TRIP12: variants seen among roughly 807,000 people sequenced by gnomAD.
TRIP12 encodes the protein thyroid hormone receptor interactor 12.
A neutral mutation model predicts 244.2 loss-of-function variants in TRIP12; 25 were observed. That is an observed-to-expected ratio of 0.10 (90% CI 0.07 to 0.14). TRIP12 has a LOEUF of 0.14. TRIP12 is among the 10% of genes least tolerant of loss of function. TRIP12 has a pLI of 1.00. For missense variants in TRIP12, 1,677 were observed against 2,486.4 expected (o/e 0.67, Z 6.92); for synonymous variants, 905 against 873.1 (o/e 1.04, Z -0.64).
intron 33 of TRIP12, 65 bp downstream of exon 33, chr2:229,787,440 A>G: frequency 2.6e-6 from 4 of 1,533,858 alleles, no homozygotes; most frequent in Non-Finnish European, 3.5e-6. Context: ...GATATACTAC[A>G]TTTCTAGTTT....
chr2:229,864,705 T>C (rs10498242), intron 2 of TRIP12, among the ~76,000 whole-genome samples: 20,743 of 152,166 alleles, frequency 0.14, 1,476 homozygotes, highest in Admixed American at 0.19. Flanking sequence ...CCACGTTATA[T>C]TGACATTATT....
chr2:229,789,877 G>C, intron 30 of TRIP12, 115 bp from the exon 31 acceptor site: 1 of 1,114,632 alleles, frequency 9.0e-7, no homozygotes, highest in Non-Finnish European at 1.3e-6. Flanking sequence ...TCAACGCTTG[G>C]AATCTTATTA....
chr2:229,841,748 C>G (rs1214360830), intron 4 of TRIP12, among the ~76,000 whole-genome samples: 1 of 152,134 alleles, frequency 6.6e-6, no homozygotes, highest in South Asian at 2.1e-4. Context: ...CAGCTGTTAA[C>G]TTTTTCAGAG....
At chr2:229,839,460 G>A (rs532454398) in intron 5 of TRIP12, among the ~76,000 whole-genome samples, 14 of 152,094 alleles carry the variant, frequency 9.2e-5, no homozygotes, top group Admixed American at 2.0e-4. Flanking sequence ...GGTGGATCAC[G>A]AGGTCAGGAG....
chr2:229,918,502 A>T (rs1375413548), intron 1 of TRIP12, among the ~76,000 whole-genome samples: 1 of 152,250 alleles, frequency 6.6e-6, no homozygotes, highest in Non-Finnish European at 1.5e-5. Context: ...CTCTTACATT[A>T]AGTCAATTTC....
At chr2:229,821,400 C>A (rs906433357) in intron 8 of TRIP12, among the ~76,000 whole-genome samples, 1 of 152,174 alleles carries the variant, frequency 6.6e-6, no homozygotes, top group Non-Finnish European at 1.5e-5. Flanking sequence ...TATCACAGAT[C>A]AGGGTTTGGC....
intron 24 of TRIP12, among the ~76,000 whole-genome samples, chr2:229,797,002 A>G (rs2042979774): frequency 1.3e-5 from 2 of 152,090 alleles, no homozygotes; most frequent in African/African-American, 4.8e-5. Context: ...CCATAATAAC[A>G]TAAGAAGAAA....
intron 17 of TRIP12, 33 bp downstream of exon 17, chr2:229,807,675 A>G: frequency 6.2e-7 from 1 of 1,613,814 alleles, no homozygotes; most frequent in Non-Finnish European, 8.5e-7. Context: ...CCAACAAAAT[A>G]GACACATTTA....
At chr2:229,881,687 T>C (rs2064907819) in intron 1 of TRIP12, among the ~76,000 whole-genome samples, 1 of 152,118 alleles carries the variant, frequency 6.6e-6, no homozygotes, top group South Asian at 2.1e-4. Context: ...CAATTAAACA[T>C]TAAAAGAGAG....
At chr2:229,903,425 C>T (rs1186315503) in intron 1 of TRIP12, among the ~76,000 whole-genome samples, 1 of 152,058 alleles carries the variant, frequency 6.6e-6, no homozygotes, top group Admixed American at 6.6e-5. Context: ...CCAAGTAAGG[C>T]CATCTGAGCT....
At chr2:229,849,569 A>C (rs2058249281) in intron 4 of TRIP12, among the ~76,000 whole-genome samples, 1 of 152,152 alleles carries the variant, frequency 6.6e-6, no homozygotes, top group Non-Finnish European at 1.5e-5. Context: ...TTTAAAAAAA[A>C]ATAATAGATC....
At chr2:229,845,333 G>A (rs2057354034) in intron 4 of TRIP12, among the ~76,000 whole-genome samples, 1 of 152,186 alleles carries the variant, frequency 6.6e-6, no homozygotes, top group Non-Finnish European at 1.5e-5. Context: ...TTAGTCTAGA[G>A]CAGGTGTTGA....
At chr2:229,814,446 T>G (rs2048009019) in intron 11 of TRIP12, 121 bp from the exon 12 acceptor site, 1 of 889,434 alleles carries the variant, frequency 1.1e-6, no homozygotes, top group African/African-American at 1.7e-5. Flanking sequence ...TAACCCACCA[T>G]AGGATGCAAG....
At chr2:229,779,772 T>C (rs1006852319) in intron 34 of TRIP12, among the ~76,000 whole-genome samples, 9 of 152,136 alleles carry the variant, frequency 5.9e-5, no homozygotes, top group African/African-American at 2.2e-4. Flanking sequence ...GGCACTGGTA[T>C]TATTAAACAA....
chr2:229,767,506 AT>A lies in TRIP12; in HGVS notation c.*47del. 6.5e-7 allele frequency: 1 copy of A among 1,530,630 alleles called. No homozygotes were observed. The highest frequency in any genetic ancestry group is 8.8e-7 in the Non-Finnish European group (1 of 1,137,654). 94.8% of individuals were successfully genotyped at this position (1,530,630 alleles called of 1,614,324 possible). A position where few individuals can be genotyped will look rare whatever the true frequency, so the allele number is the denominator to read the frequency against. ...TGATAACATTAGAAAAGAAATCATG[AT>A]TTGTTTCTTTTGCTGTAACAGGCAG... On this transcript the variant is annotated 3_prime_UTR_variant, in exon 42 of 42. Coordinates refer to ENST00000675903, the MANE Select transcript of TRIP12 (RefSeq NM_001348323.3).
At chr2:229,794,396 G>A (rs934830208) in intron 26 of TRIP12, among the ~76,000 whole-genome samples, 18 of 151,900 alleles carry the variant, frequency 1.2e-4, no homozygotes, top group East Asian at 5.8e-4. Context: ...GTGAGACCCC[G>A]TCTCTACAAA....
In TRIP12 at chr2:229,787,735, T is replaced by C. The variant is rs899207024; in HGVS notation, c.4839-74A>G. On this transcript the variant is annotated intron_variant, in intron 32 of 41. Coordinates refer to ENST00000675903, the MANE Select transcript of TRIP12 (RefSeq NM_001348323.3). Reference sequence around the variant, plus strand: ...CTACTAAAAAAAAAATCCAAACTTATATTAGAAACAACTTTTGATATGATA... The same window carrying C: ...CTACTAAAAAAAAAATCCAAACTTACATTAGAAACAACTTTTGATATGATA... 21 of 1,330,370 alleles carry C rather than the reference T, an allele frequency of 1.6e-5. No individual in the cohort carries two copies. In the African/African-American group the frequency reaches 1.9e-4, roughly 12 times the overall value. The allele number at this position is 1,330,370 out of a possible 1,614,324, so 82.4% of individuals were successfully genotyped here. A position where few individuals can be genotyped will look rare whatever the true frequency, so the allele number is the denominator to read the frequency against.
intron 1 of TRIP12, among the ~76,000 whole-genome samples, chr2:229,883,031 A>C (rs771059807): frequency 1.3e-5 from 2 of 152,270 alleles, no homozygotes; most frequent in Non-Finnish European, 2.9e-5. Flanking sequence ...ATTTCCTGAA[A>C]GTAAATAAAA....
At chr2:229,916,733 G>T (rs575322622) in intron 1 of TRIP12, among the ~76,000 whole-genome samples, 7 of 152,078 alleles carry the variant, frequency 4.6e-5, no homozygotes, top group South Asian at 2.1e-4. Context: ...AGAGAAAAAT[G>T]ACTGAACAGA....
Sources: allele counts gnomAD v4.1 joint callset (sites outside exome capture counted in the v4.1 genomes callset), GRCh38; gene constraint gnomAD v4.1.1; transcripts MANE v1.5; gene names NCBI Gene and HGNC (gene_info 2026-07-23, HGNC 2026-07-21).